Variants in EHBP1 observed in about 807,000 individuals in gnomAD.
EHBP1 encodes EH domain-binding protein 1.
Under a neutral mutation model 144.0 loss-of-function variants are expected in EHBP1, and 55 were observed. The ratio of observed to expected loss-of-function variants is 0.38; its 90% CI spans 0.31 to 0.48. The LOEUF (loss-of-function observed/expected upper bound fraction) is 0.48. Ranked by LOEUF, EHBP1 falls within the 20% of genes least tolerant of loss-of-function variation. The probability of loss-of-function intolerance (pLI) is 0.98; values close to 1 mark genes in which losing one functional copy is unlikely to be tolerated. For synonymous variants in EHBP1, 469 were observed against 472.7 expected (o/e 0.99, Z 0.10); for missense variants, 1,200 against 1,364.2 (o/e 0.88, Z 1.90).
chr2:62,749,254 A>C (rs1463075290), intron 3 of EHBP1, among the ~76,000 whole-genome samples: 1 of 152,006 alleles, frequency 6.6e-6, no homozygotes, highest in East Asian at 1.9e-4. Context: ...TTTGTCCTTA[A>C]GATAGTTTGC....
At chr2:62,853,419 A>G (rs905192839) in intron 7 of EHBP1, among the ~76,000 whole-genome samples, 4 of 152,322 alleles carry the variant, frequency 2.6e-5, no homozygotes, top group African/African-American at 9.6e-5. Flanking sequence ...CAATTCAGTG[A>G]TATCTTTAGG....
rs570383719 is a variant in EHBP1, at chr2:62,779,120, A to T, written c.312+7728A>T. On this transcript the variant is annotated intron_variant, in intron 5 of 22. Coordinates refer to ENST00000431489, the MANE Select transcript of EHBP1 (RefSeq NM_001142616.3). The stretch of plus-strand genomic sequence containing the variant: ...GGAGTCAGTTTATAATCTAACTATC[A>T]GTAGAGATGGCTCAGCCTTTTTAGG... Among the ~76,000 whole-genome samples the T allele has an allele frequency of 5.9e-5, 9 of 152,320 alleles. No individual in the cohort carries two copies. In the South Asian group the frequency reaches 1.2e-3, roughly 21 times the overall value.
chr2:62,900,165 A>G (rs1318084239), intron 10 of EHBP1, among the ~76,000 whole-genome samples: 1 of 152,202 alleles, frequency 6.6e-6, no homozygotes, highest in Non-Finnish European at 1.5e-5. Context: ...AGAAACACAG[A>G]TATCATGGTC....
intron 1 of EHBP1, among the ~76,000 whole-genome samples, chr2:62,692,873 A>G (rs1426521828): frequency 6.6e-6 from 1 of 152,150 alleles, no homozygotes; most frequent in Non-Finnish European, 1.5e-5. Flanking sequence ...AAACAATACA[A>G]TTATATTCTT....
rs1022017439 is a variant in EHBP1, at chr2:63,022,858, T to C, written c.3104-14677T>C. Among the ~76,000 whole-genome samples the C allele has an allele frequency of 3.9e-5, 6 of 152,178 alleles. No individual in the cohort carries two copies. The East Asian group carries it at 1.2e-3, about 29-fold the overall frequency. On this transcript the variant is annotated intron_variant, in intron 19 of 22. Coordinates refer to ENST00000431489, the MANE Select transcript of EHBP1 (RefSeq NM_001142616.3). Reference sequence around the variant, plus strand: ...ACAGTGTAAGTTAAAGAAAACCTGTTGAGTTGATACCTATTTTTTTTAAAA... The same window carrying C: ...ACAGTGTAAGTTAAAGAAAACCTGTCGAGTTGATACCTATTTTTTTTAAAA...
At chr2:62,827,328 A>T (rs2046411551) in intron 6 of EHBP1, among the ~76,000 whole-genome samples, 1 of 152,192 alleles carries the variant, frequency 6.6e-6, no homozygotes, top group Non-Finnish European at 1.5e-5. Flanking sequence ...ATAGACTTAA[A>T]TACTGAGTAA....
chr2:62,993,043 G>T (rs1296802740), intron 16 of EHBP1, among the ~76,000 whole-genome samples: 7 of 152,204 alleles, frequency 4.6e-5, no homozygotes, highest in African/African-American at 1.4e-4. Context: ...AAAGATAATT[G>T]TAGTTTCCTT....
chr2:62,885,247 A>T (rs1238713481), intron 10 of EHBP1, among the ~76,000 whole-genome samples: 2 of 152,234 alleles, frequency 1.3e-5, no homozygotes, highest in Non-Finnish European at 2.9e-5. Context: ...ATTTAAACAA[A>T]GTGATAATAA....
At chr2:62,855,578 C>T (rs531397019) in intron 7 of EHBP1, among the ~76,000 whole-genome samples, 7 of 152,218 alleles carry the variant, frequency 4.6e-5, no homozygotes, top group South Asian at 4.1e-4. Context: ...TTTTCCAGGC[C>T]GCCCATGAAC....
chr2:63,011,504 A>C (rs2060267972), intron 19 of EHBP1, among the ~76,000 whole-genome samples: 2 of 152,120 alleles, frequency 1.3e-5, no homozygotes, highest in Non-Finnish European at 2.9e-5. Flanking sequence ...TTTAAAGATT[A>C]GAAAATTGTT....
rs368440849 is a variant in EHBP1 at position 63,000,605 on chromosome 2, G to A, written c.3103+3839G>A. On this transcript the variant is annotated intron_variant, in intron 19 of 22. Coordinates refer to ENST00000431489, the MANE Select transcript of EHBP1 (RefSeq NM_001142616.3). ...CCAGCTACTCGGGAAGCTGAGGCAG[G>A]ATAATCTCTTGAACCTGGGTAGCGG... is the stretch of plus-strand genomic sequence containing the variant. Among the ~76,000 whole-genome samples the A allele has an allele frequency of 5.3e-4, 80 of 152,190 alleles. 1 individual carries two copies. Among genetic ancestry groups the A allele is most frequent in the African/African-American group, 1.7e-3 (71 of 41,516 alleles).
intron 10 of EHBP1, among the ~76,000 whole-genome samples, chr2:62,934,242 C>T (rs1056024111): frequency 1.3e-5 from 2 of 152,132 alleles, no homozygotes; most frequent in African/African-American, 4.8e-5. Context: ...AAAATTTAAT[C>T]TCAATTAAGA....
chr2:62,975,939 T>G (rs1457864740), intron 14 of EHBP1, among the ~76,000 whole-genome samples: 1 of 145,238 alleles, frequency 6.9e-6, no homozygotes, highest in African/African-American at 2.6e-5. Flanking sequence ...CACACACATA[T>G]ATAGTAGAGC....
At chr2:62,987,472 A>G (rs2059245313) in intron 15 of EHBP1, among the ~76,000 whole-genome samples, 1 of 152,186 alleles carries the variant, frequency 6.6e-6, no homozygotes, top group Non-Finnish European at 1.5e-5. Context: ...AAAGTATTTA[A>G]GCCTTCATGA....
intron 12 of EHBP1, among the ~76,000 whole-genome samples, chr2:62,945,665 G>A (rs923045614): frequency 7.9e-5 from 12 of 152,120 alleles, no homozygotes; most frequent in African/African-American, 2.4e-4. Flanking sequence ...TGGGAGAATC[G>A]CTGGAGCCTA....
At chr2:62,990,476 A>G (rs547584722) in intron 15 of EHBP1, among the ~76,000 whole-genome samples, 2 of 152,192 alleles carry the variant, frequency 1.3e-5, no homozygotes, top group Non-Finnish European at 2.9e-5. Context: ...AGCATTAGCT[A>G]CTATTTAACT....
chr2:63,045,715 T>C lies in EHBP1; in HGVS notation c.*215T>C. ...CTTCATTTAAGGATTTTTTTGTGAG[T>C]TAACAATTTCCTTGAAATCCTGTGA... On this transcript the variant is annotated 3_prime_UTR_variant, in exon 23 of 23. Coordinates refer to ENST00000431489, the MANE Select transcript of EHBP1 (RefSeq NM_001142616.3). This position sits in a 1 kb window ranked among gnomAD's most constrained non-coding sequence, Gnocchi z 5.7. 1 of 512,844 alleles carries C rather than the reference T, an allele frequency of 1.9e-6. No individual in the cohort carries two copies. The highest frequency in any genetic ancestry group is 2.3e-5 in the South Asian group (1 of 43,528). The allele number at this position is 512,844 out of a possible 1,614,324, so 31.8% of individuals were successfully genotyped here.
At chr2:62,925,107 ACCATAT>A (rs2055391884) in intron 10 of EHBP1, among the ~76,000 whole-genome samples, 1 of 152,210 alleles carries the variant, frequency 6.6e-6, no homozygotes, top group Admixed American at 6.5e-5. Flanking sequence ...AAGGATGAAA[ACCATAT>A]GATCATCTCA....
intron 2 of EHBP1, among the ~76,000 whole-genome samples, chr2:62,732,471 T>C (rs1370951641): frequency 4.6e-5 from 7 of 152,166 alleles, no homozygotes; most frequent in Non-Finnish European, 1.0e-4. Flanking sequence ...GGTGATTGAA[T>C]TGTGGGGACA....
Sources: gnomAD v4.1 joint callset for allele counts (sites outside exome capture counted in the v4.1 genomes callset) on GRCh38, gnomAD v4.1.1 for gene constraint, Gnocchi (gnomAD v3.1) non-coding constraint, MANE v1.5 for transcripts, NCBI Gene and HGNC (gene_info 2026-07-23, HGNC 2026-07-21) for gene names.